IMPG2: variants seen among roughly 807,000 people sequenced by gnomAD.
IMPG2 encodes the protein IPM 200.
IMPG2 carries 91 observed loss-of-function variants against 129.2 expected under a neutral mutation model. The observed-to-expected ratio is 0.70, with a 90% CI of 0.59 to 0.84. The LOEUF (loss-of-function observed/expected upper bound fraction) is 0.84. Ranked by LOEUF, IMPG2 falls within the 40% of genes least tolerant of loss-of-function variation. The pLI, the probability that IMPG2 is intolerant of heterozygous loss-of-function variation, is 0.00. For missense variants in IMPG2, 1,430 were observed against 1,461.7 expected, an observed-to-expected ratio of 0.98 and a Z score of 0.35; for synonymous variants, 510 against 517.7, an observed-to-expected ratio of 0.99 and a Z score of 0.20.
At chr3:101,282,991 T>A (rs1159185846) in intron 4 of IMPG2, among the ~76,000 whole-genome samples, 1 of 152,164 alleles carries the variant, frequency 6.6e-6, no homozygotes, top group Non-Finnish European at 1.5e-5. Context: ...ACATGGGACA[T>A]GTAAACTGTG....
intron 4 of IMPG2, among the ~76,000 whole-genome samples, chr3:101,289,708 A>T (rs1387555012): frequency 6.6e-6 from 1 of 151,974 alleles, no homozygotes; most frequent in Non-Finnish European, 1.5e-5. Flanking sequence ...TGTCTTACAG[A>T]GGAGAGGCAC....
intron 3 of IMPG2, among the ~76,000 whole-genome samples, chr3:101,300,507 C>T (rs551712970): frequency 1.3e-5 from 2 of 152,324 alleles, no homozygotes; most frequent in South Asian, 4.1e-4. Context: ...GGTTGGGACC[C>T]TAGGCCCCGG....
rs767140573 is a variant in IMPG2, at chr3:101,242,761, C to T, written c.2949G>A (p.Leu983=). The change falls in exon 14 of 19, where the codon CTG becomes CTA. Residue 983 remains leucine (L), a synonymous_variant. Coordinates refer to ENST00000193391, the MANE Select transcript of IMPG2 (RefSeq NM_016247.4). ...PNVNNAVYMI[L]EDFCTTAYNT... ...TGTAGGCAGTGGTACAAAAGTCTTC[C>T]AGAATCATGTACACCGCATTGTTGA... The T allele has an allele frequency of 9.9e-6, 16 of 1,613,942 alleles. No individual in the cohort carries two copies. The highest frequency in any genetic ancestry group is 3.3e-4 in the Middle Eastern group (2 of 6,062).
At chr3:101,312,426 G>A (rs963669411) in intron 2 of IMPG2, among the ~76,000 whole-genome samples, 3 of 152,024 alleles carry the variant, frequency 2.0e-5, no homozygotes, top group African/African-American at 4.8e-5. Flanking sequence ...AAAGTTGAAC[G>A]TTATTAATCA....
At chr3:101,271,777 T>A (rs535705152) in intron 7 of IMPG2, among the ~76,000 whole-genome samples, 1 of 152,300 alleles carries the variant, frequency 6.6e-6, no homozygotes, top group South Asian at 2.1e-4. Flanking sequence ...GGGGACTCTG[T>A]AGAAGAAGGA....
intron 5 of IMPG2, 81 bp downstream of exon 5, chr3:101,276,583 C>CA (rs1426347160): frequency 1.1e-6 from 1 of 940,722 alleles, no homozygotes; most frequent in Non-Finnish European, 1.7e-6. Context: ...AGGTAAGCTG[C>CA]AAAAAATGTA....
At chr3:101,307,862 A>G (rs910429893) in intron 2 of IMPG2, among the ~76,000 whole-genome samples, 2 of 152,242 alleles carry the variant, frequency 1.3e-5, no homozygotes, top group African/African-American at 4.8e-5. Context: ...CATCTGAGAC[A>G]AGGCAAGTCC....
chr3:101,261,645 T>C (rs923047267), intron 9 of IMPG2, among the ~76,000 whole-genome samples: 3 of 152,160 alleles, frequency 2.0e-5, no homozygotes, highest in Non-Finnish European at 4.4e-5. Context: ...ACCATGTTTT[T>C]GTTCTGGAAA....
rs1267422428 is a variant in IMPG2 at position 101,226,611 on chromosome 3, T to C, written c.*358A>G. ...ATGGAAGAGTCTCACCTTATTTTCC[T>C]ATTGAAAAACCCGAGGCACAGTTCT... On this transcript the variant is annotated 3_prime_UTR_variant, in exon 19 of 19. Transcript: ENST00000193391. The C allele has an allele frequency of 2.3e-5, 5 of 218,212 alleles. No individual in the cohort carries two copies. Among genetic ancestry groups the C allele is most frequent in the Non-Finnish European group, 4.5e-5 (5 of 111,394 alleles). The allele number at this position is 218,212 out of a possible 1,614,324, so 13.5% of individuals were successfully genotyped here. A position where few individuals can be genotyped will look rare whatever the true frequency, so the allele number is the denominator to read the frequency against.
In IMPG2 at chr3:101,319,573, T is replaced by C. The variant is rs752469829; in HGVS notation, c.334+11A>G. 5 of 1,613,030 alleles carry C rather than the reference T, an allele frequency of 3.1e-6. No homozygotes were observed. Among genetic ancestry groups the C allele is most frequent in the South Asian group, 1.1e-5 (1 of 91,082 alleles). Reference sequence around the variant, plus strand: ...TCATTATGGAGCTGAAGGATTTGGATGTTCGCTTACCTCGGACTTTAAAAT... The same window carrying C: ...TCATTATGGAGCTGAAGGATTTGGACGTTCGCTTACCTCGGACTTTAAAAT... On this transcript the variant is annotated intron_variant, in intron 2 of 18. Transcript: ENST00000193391.
At chr3:101,246,940 C>A (rs1242222375) in intron 11 of IMPG2, among the ~76,000 whole-genome samples, 4 of 151,808 alleles carry the variant, frequency 2.6e-5, no homozygotes, top group Non-Finnish European at 5.9e-5. Context: ...TCAACAACAA[C>A]AAAAAATTAG....
intron 3 of IMPG2, among the ~76,000 whole-genome samples, chr3:101,293,825 T>C (rs1338437306): frequency 1.3e-5 from 2 of 152,214 alleles, no homozygotes; most frequent in Non-Finnish European, 2.9e-5. Context: ...TAGCTTCTAT[T>C]CTTAACTACA....
At chr3:101,270,744 G>A (rs1349863516) in intron 7 of IMPG2, among the ~76,000 whole-genome samples, 1 of 151,978 alleles carries the variant, frequency 6.6e-6, no homozygotes, top group Non-Finnish European at 1.5e-5. Context: ...AGCTTGCAGT[G>A]AGCCGAGATC....
chr3:101,248,082 C>T (rs1559644208), intron 11 of IMPG2, among the ~76,000 whole-genome samples: 1 of 152,088 alleles, frequency 6.6e-6, no homozygotes, highest in African/African-American at 2.4e-5. Flanking sequence ...TGAAATAAAA[C>T]AGAACATACT....
intron 11 of IMPG2, among the ~76,000 whole-genome samples, chr3:101,249,608 G>C (rs1706521896): frequency 6.6e-6 from 1 of 151,952 alleles, no homozygotes; most frequent in Admixed American, 6.6e-5. Flanking sequence ...AATTAGACTG[G>C]AGTCTAATAA....
intron 12 of IMPG2, 71 bp from the exon 13 acceptor site, chr3:101,244,858 C>T: frequency 7.4e-7 from 1 of 1,344,132 alleles, no homozygotes; most frequent in Non-Finnish European, 1.1e-6. Context: ...CCTAATAAAA[C>T]TAGTTGCCTG....
intron 2 of IMPG2, among the ~76,000 whole-genome samples, chr3:101,318,737 C>T (rs1194327509): frequency 6.6e-6 from 1 of 152,104 alleles, no homozygotes; most frequent in Non-Finnish European, 1.5e-5. Flanking sequence ...TTACTAACAT[C>T]ACATCCATAT....
intron 3 of IMPG2, among the ~76,000 whole-genome samples, chr3:101,293,699 T>C (rs1707046341): frequency 6.6e-6 from 1 of 152,252 alleles, no homozygotes; most frequent in Non-Finnish European, 1.5e-5. Context: ...AGAAGGCTGC[T>C]TCATCCACAT....
intron 2 of IMPG2, among the ~76,000 whole-genome samples, chr3:101,316,252 A>G (rs2058783949): frequency 6.6e-6 from 1 of 152,074 alleles, no homozygotes; most frequent in African/African-American, 2.4e-5. Flanking sequence ...AAAGCCTGAT[A>G]AATTTGACTT....
Sources: gnomAD v4.1 joint callset for allele counts (sites outside exome capture counted in the v4.1 genomes callset) on GRCh38, gnomAD v4.1.1 for gene constraint, MANE v1.5 for transcripts, NCBI Gene and HGNC (gene_info 2026-07-23, HGNC 2026-07-21) for gene names.